Variants in KPNA1 observed in about 807,000 individuals in gnomAD.
KPNA1 encodes the protein karyopherin subunit alpha 1.
A neutral mutation model predicts 70.5 loss-of-function variants in KPNA1; 10 were observed. The observed-to-expected ratio is 0.14, with a 90% CI of 0.09 to 0.24. KPNA1 has a LOEUF of 0.24. Among genes scored for constraint, KPNA1 ranks in the 10% least tolerant of loss-of-function variants. The probability of loss-of-function intolerance (pLI) is 1.00; values close to 1 mark genes in which losing one functional copy is unlikely to be tolerated. For synonymous variants in KPNA1, 192 were observed against 221.9 expected, an observed-to-expected ratio of 0.87 and a Z score of 1.20; for missense variants, 397 against 637.9, an observed-to-expected ratio of 0.62 and a Z score of 4.07.
chr3:122,441,133 C>T (rs1169035473), intron 10 of KPNA1, among the ~76,000 whole-genome samples: 3 of 152,084 alleles, frequency 2.0e-5, no homozygotes, highest in African/African-American at 7.2e-5. Flanking sequence ...AAGGATTGCC[C>T]CGTGGAAGAT....
chr3:122,488,106 G>A (rs1035406683), intron 2 of KPNA1, among the ~76,000 whole-genome samples: 3 of 152,132 alleles, frequency 2.0e-5, no homozygotes, highest in Admixed American at 2.0e-4. Flanking sequence ...GCTAATAAAA[G>A]CAGAAGAAAT....
rs757078474 is a variant in KPNA1 at position 122,461,208 on chromosome 3, T to C, written c.432+16A>G. 6.6e-7 allele frequency: 1 copy of C among 1,514,146 alleles called. No individual in the cohort carries two copies. The highest frequency in any genetic ancestry group is 9.0e-7 in the Non-Finnish European group (1 of 1,109,938). The allele number at this position is 1,514,146 out of a possible 1,614,324, so 93.8% of individuals were successfully genotyped here. On this transcript the variant is annotated intron_variant, in intron 5 of 13. Transcript: ENST00000344337. ...AGGAATTAAGTTATGAGGCAATAAA[T>C]AAAAATTATTCGCACCTGCAGTGTA...
At chr3:122,491,189 C>T (rs923827128) in intron 2 of KPNA1, among the ~76,000 whole-genome samples, 3 of 152,168 alleles carry the variant, frequency 2.0e-5, no homozygotes, top group Non-Finnish European at 4.4e-5. Flanking sequence ...AACATTTACA[C>T]GATTCCAAAA....
intron 1 of KPNA1, among the ~76,000 whole-genome samples, chr3:122,507,087 G>C (rs2076898371): frequency 6.6e-6 from 1 of 152,004 alleles, no homozygotes; most frequent in African/African-American, 2.4e-5. Flanking sequence ...CTGAATGCTG[G>C]GAACAAAAAC....
In KPNA1 at chr3:122,425,304, A is replaced by G. The variant is rs1332648232; in HGVS notation, c.*1681T>C. ...ATGAAAAGCTCTGAATATCCCTTAC[A>G]TTCAGCAGGATTTACCAGAGATGTA... On this transcript the variant is annotated 3_prime_UTR_variant, in exon 14 of 14. Transcript: ENST00000344337. 6.6e-6 allele frequency: 1 copy of G among 152,658 alleles called. No homozygotes were observed. Among genetic ancestry groups the G allele is most frequent in the Non-Finnish European group, 1.5e-5 (1 of 68,038 alleles). 9.5% of individuals were successfully genotyped at this position (152,658 alleles called of 1,614,324 possible). A position where few individuals can be genotyped will look rare whatever the true frequency, so the allele number is the denominator to read the frequency against.
chr3:122,451,511 T>A, intron 8 of KPNA1, 23 bp downstream of exon 8: 1 of 1,363,562 alleles, frequency 7.3e-7, no homozygotes, highest in Non-Finnish European at 1.0e-6. Flanking sequence ...TTTCTGCCAA[T>A]GTCCCAAAAG....
chr3:122,457,754 A>C, intron 5 of KPNA1: 1 of 1,289,612 alleles, frequency 7.8e-7, no homozygotes, highest in Non-Finnish European at 1.0e-6. Context: ...CTCCAGGTTG[A>C]GGTACGCCTG....
chr3:122,452,570 G>GA (rs1306395802), intron 6 of KPNA1, among the ~76,000 whole-genome samples: 100 of 70,376 alleles, frequency 1.4e-3, no homozygotes, highest in Non-Finnish European at 1.4e-3. Flanking sequence ...GGGAGGGAAG[G>GA]AGGGAAGGAA....
intron 2 of KPNA1, among the ~76,000 whole-genome samples, chr3:122,471,431 G>C (rs1433532604): frequency 2.0e-5 from 3 of 152,196 alleles, no homozygotes; most frequent in Non-Finnish European, 2.9e-5. Context: ...GACTGTCGAA[G>C]TGGATCACAA....
intron 1 of KPNA1, among the ~76,000 whole-genome samples, chr3:122,506,341 CA>C (rs1376002233): frequency 6.6e-6 from 1 of 151,926 alleles, no homozygotes; most frequent in Non-Finnish European, 1.5e-5. Flanking sequence ...AGTATGACTA[CA>C]AAAAAGTTAT....
intron 1 of KPNA1, among the ~76,000 whole-genome samples, chr3:122,508,573 A>G (rs976924125): frequency 2.6e-5 from 4 of 152,162 alleles, no homozygotes; most frequent in Non-Finnish European, 4.4e-5. Flanking sequence ...ACAACAGTAA[A>G]AACCCAAGCT....
Position 122,437,196 on chromosome 3 carries a change from T to C in KPNA1, c.1096A>G (p.Thr366Ala). The change falls in exon 11 of 14, where the codon ACA becomes GCA. Residue 366 changes from threonine (T) to alanine (A), a missense_variant. Transcript: ENST00000344337. ...TGGATCTGTGCCCTATTTCCAGCTG[T>C]AATATTAGATATCGTCCAACATGCT... ...KEACWTISNI[T>A]AGNRAQIQTV... The C allele has an allele frequency of 6.2e-7, 1 of 1,613,934 alleles. No homozygotes were observed. The highest frequency in any genetic ancestry group is 8.5e-7 in the Non-Finnish European group (1 of 1,179,850).
intron 2 of KPNA1, among the ~76,000 whole-genome samples, chr3:122,477,581 T>A (rs2076517257): frequency 1.3e-5 from 2 of 151,954 alleles, no homozygotes; most frequent in Admixed American, 1.3e-4. Flanking sequence ...TGGCCTGTAG[T>A]CCCAGCTACT....
At chr3:122,500,683 G>A (rs896459375) in intron 1 of KPNA1, among the ~76,000 whole-genome samples, 8 of 151,798 alleles carry the variant, frequency 5.3e-5, no homozygotes, top group African/African-American at 1.9e-4. Flanking sequence ...GGGGGGCTAG[G>A]GGGATAGAGA....
intron 2 of KPNA1, among the ~76,000 whole-genome samples, chr3:122,482,272 T>C (rs2076580048): frequency 6.6e-6 from 1 of 152,170 alleles, no homozygotes; most frequent in African/African-American, 2.4e-5. Flanking sequence ...TATCAAAACA[T>C]AGAAAAGGTA....
chr3:122,470,970 C>T (rs2076435942), intron 2 of KPNA1, among the ~76,000 whole-genome samples: 1 of 152,170 alleles, frequency 6.6e-6, no homozygotes, highest in Non-Finnish European at 1.5e-5. Context: ...TCAGATACAT[C>T]TTGGAGTCAT....
chr3:122,438,619 CAT>C (rs1346497971), intron 10 of KPNA1, among the ~76,000 whole-genome samples: 1 of 152,072 alleles, frequency 6.6e-6, no homozygotes, highest in Non-Finnish European at 1.5e-5. Context: ...CTCCCGACCT[CAT>C]GTGATCCACC....
intron 5 of KPNA1, among the ~76,000 whole-genome samples, chr3:122,459,207 G>A (rs747314576): frequency 2.6e-5 from 4 of 152,152 alleles, no homozygotes; most frequent in Non-Finnish European, 4.4e-5. Context: ...GAATGTACTT[G>A]TACTTTTTAA....
At chr3:122,460,115 C>CAT in intron 5 of KPNA1, 1 of 985,330 alleles carries the variant, frequency 1.0e-6, no homozygotes, top group Non-Finnish European at 1.2e-6. Flanking sequence ...TTTATAGCTG[C>CAT]ATAGTCTCAG....
Sources: allele counts gnomAD v4.1 joint callset (sites outside exome capture counted in the v4.1 genomes callset), GRCh38; gene constraint gnomAD v4.1.1; transcripts MANE v1.5; gene names NCBI Gene and HGNC (gene_info 2026-07-23, HGNC 2026-07-21).